The following USH2A variants were observed in gnomAD, a reference collection of about 807,000 sequenced individuals.
The protein encoded by USH2A is Usher syndrome 2A (autosomal recessive, mild).
A neutral mutation model predicts 538.9 loss-of-function variants in USH2A; 443 were observed. The observed-to-expected ratio is 0.82, with a 90% confidence interval of 0.76 to 0.89. The LOEUF (loss-of-function observed/expected upper bound fraction) is 0.89. Among genes scored for constraint, USH2A ranks in the 40% least tolerant of loss-of-function variants. The pLI is 0.00. For missense variants in USH2A, 6,633 were observed against 6,324.8 expected, an observed-to-expected ratio of 1.05 and a Z score of -1.65; for synonymous variants, 2,413 against 2,273.5, an observed-to-expected ratio of 1.06 and a Z score of -1.75.
chr1:215,831,198 A>T (rs1389216539), intron 47 of USH2A, among the ~76,000 whole-genome samples: 2 of 152,214 alleles, frequency 1.3e-5, no homozygotes, highest in African/African-American at 4.8e-5. Context: ...TAATAATAAA[A>T]CATCAAAGTA....
At chr1:215,946,269 C>T (rs1042745693) in intron 37 of USH2A, among the ~76,000 whole-genome samples, 3 of 152,172 alleles carry the variant, frequency 2.0e-5, no homozygotes, top group Admixed American at 2.0e-4. Context: ...GGTGGTACAA[C>T]ATTAACTACA....
intron 46 of USH2A, among the ~76,000 whole-genome samples, chr1:215,840,806 CA>C (rs748417690): frequency 5.3e-5 from 8 of 152,166 alleles, no homozygotes; most frequent in Non-Finnish European, 7.4e-5. Flanking sequence ...CAAAAGAAGA[CA>C]ATACGGCAAA....
intron 18 of USH2A, 72 bp downstream of exon 18, chr1:216,198,243 C>A: frequency 6.2e-7 from 1 of 1,607,400 alleles, no homozygotes; most frequent in Non-Finnish European, 8.5e-7. Flanking sequence ...TTTCACAGTA[C>A]TTTGACTTTA....
intron 37 of USH2A, among the ~76,000 whole-genome samples, chr1:215,959,860 A>G (rs1667154848): frequency 1.3e-5 from 2 of 152,148 alleles, no homozygotes; most frequent in Admixed American, 6.6e-5. Context: ...AGAAACTCTG[A>G]CACAAAGCAA....
intron 44 of USH2A, among the ~76,000 whole-genome samples, chr1:215,856,786 G>A (rs1664179819): frequency 6.6e-6 from 1 of 151,362 alleles, no homozygotes; most frequent in South Asian, 2.1e-4. Context: ...TGAAAACATG[G>A]AACCAGCCCA....
intron 70 of USH2A, among the ~76,000 whole-genome samples, chr1:215,630,480 G>GTATATATA (rs1443855975): frequency 8.5e-5 from 9 of 105,918 alleles, no homozygotes; most frequent in African/African-American, 2.7e-4. Flanking sequence ...GTATGTGTGT[G>GTATATATA]TGTATATATA....
intron 21 of USH2A, among the ~76,000 whole-genome samples, chr1:216,128,217 C>G (rs1239500086): frequency 6.6e-6 from 1 of 151,796 alleles, no homozygotes; most frequent in Non-Finnish European, 1.5e-5. Flanking sequence ...TTATGTATGC[C>G]CAACATTACA....
intron 3 of USH2A, among the ~76,000 whole-genome samples, chr1:216,395,759 T>C (rs932494671): frequency 1.3e-5 from 2 of 152,186 alleles, no homozygotes; most frequent in East Asian, 3.9e-4. Flanking sequence ...GGTTTGCTAC[T>C]GGCATCTAGT....
intron 44 of USH2A, among the ~76,000 whole-genome samples, chr1:215,856,844 T>G (rs928239347): frequency 3.5e-4 from 42 of 120,750 alleles, no homozygotes; most frequent in African/African-American, 1.4e-3. Flanking sequence ...TGTGTGTGTG[T>G]GTGTGTGTGT....
chr1:216,316,966 A>G (rs1210388199), intron 9 of USH2A, among the ~76,000 whole-genome samples: 2 of 152,188 alleles, frequency 1.3e-5, no homozygotes, highest in African/African-American at 2.4e-5. Flanking sequence ...AGTTCCTTCT[A>G]GACTCTGGAT....
chr1:215,693,142 A>C (rs12041595), intron 61 of USH2A, among the ~76,000 whole-genome samples: 52,445 of 141,576 alleles, frequency 0.37, 9,893 homozygotes, highest in East Asian at 0.5. Flanking sequence ...ATACACACAC[A>C]CACATATGTA....
intron 55 of USH2A, among the ~76,000 whole-genome samples, chr1:215,768,010 G>A (rs868442079): frequency 5.3e-5 from 8 of 152,104 alleles, no homozygotes; most frequent in Admixed American, 6.6e-5. Flanking sequence ...ATTTTTTCAC[G>A]TATTTTGAGC....
At chr1:216,254,510 A>C (rs1320098813) in intron 11 of USH2A, among the ~76,000 whole-genome samples, 1 of 152,168 alleles carries the variant, frequency 6.6e-6, no homozygotes, top group African/African-American at 2.4e-5. Flanking sequence ...AGCACATATA[A>C]TGCTTGCAAA....
chr1:215,880,006 G>T (rs1481566115), intron 41 of USH2A, among the ~76,000 whole-genome samples: 3 of 152,116 alleles, frequency 2.0e-5, no homozygotes, highest in Non-Finnish European at 1.5e-5. Flanking sequence ...CTTCTTCATA[G>T]CAGGGATAAA....
At chr1:216,289,502 T>C in intron 10 of USH2A, 92 bp from the exon 11 acceptor site, 4 of 1,575,616 alleles carry the variant, frequency 2.5e-6, no homozygotes, top group Non-Finnish European at 2.6e-6. Flanking sequence ...TTTGAGGGAA[T>C]TCTATAATTT....
intron 30 of USH2A, among the ~76,000 whole-genome samples, chr1:216,056,624 A>G (rs1054980284): frequency 4.6e-5 from 7 of 152,234 alleles, no homozygotes; most frequent in Non-Finnish European, 8.8e-5. Flanking sequence ...CTTATTTAAA[A>G]TGCACCTTAA....
chr1:216,000,280 C>G, intron 33 of USH2A, 123 bp downstream of exon 33: 2 of 1,337,462 alleles, frequency 1.5e-6, no homozygotes, highest in Non-Finnish European at 2.1e-6. Context: ...ATCCACTGAA[C>G]TAATCACTTC....
chr1:216,411,197 TG>T (rs1242828938), intron 3 of USH2A, among the ~76,000 whole-genome samples: 1 of 152,190 alleles, frequency 6.6e-6, no homozygotes, highest in Non-Finnish European at 1.5e-5. Context: ...CTAACCACTT[TG>T]GTTTTTTAGT....
intron 32 of USH2A, among the ~76,000 whole-genome samples, chr1:216,006,932 A>G (rs1571882772): frequency 6.6e-6 from 1 of 152,258 alleles, no homozygotes; most frequent in Admixed American, 6.5e-5. Flanking sequence ...CTATGTCCCC[A>G]CCTAAATCTC....
Sources: allele counts gnomAD v4.1 joint callset (sites outside exome capture counted in the v4.1 genomes callset), GRCh38; gene constraint gnomAD v4.1.1; transcripts MANE v1.5; gene names NCBI Gene and HGNC (gene_info 2026-07-23, HGNC 2026-07-21).